The following MYO1H variants were observed in gnomAD, a reference collection of about 807,000 sequenced individuals.
MYO1H encodes myosin IH.
In MYO1H, 118 loss-of-function variants were observed where a neutral mutation model predicts 149.3. That is an observed-to-expected ratio of 0.79 (90% CI 0.68 to 0.92). The LOEUF (loss-of-function observed/expected upper bound fraction) is 0.92. Among genes scored for constraint, MYO1H ranks in the 40% least tolerant of loss-of-function variants. The probability of loss-of-function intolerance (pLI) is 0.00; values close to 1 mark genes in which losing one functional copy is unlikely to be tolerated. For synonymous variants in MYO1H, 447 were observed against 465.2 expected, an observed-to-expected ratio of 0.96 and a Z score of 0.50; for missense variants, 1,212 against 1,280.7, an observed-to-expected ratio of 0.95 and a Z score of 0.82.
At chr12:109,414,498 GA>G (rs1319169499) in intron 14 of MYO1H, among the ~76,000 whole-genome samples, 138 of 132,394 alleles carry the variant, frequency 1.0e-3, no homozygotes, top group African/African-American at 3.2e-3. Context: ...AAAAAAGAAA[GA>G]AAAAAAAAAT....
chr12:109,319,978 A>G, the MYO1H span, among the ~76,000 whole-genome samples: 1,596 of 152,264 alleles, frequency 0.01, 12 homozygotes, highest in Non-Finnish European at 0.017. Flanking sequence ...TTCATTGTCT[A>G]ATATGGTAGC....
intron 1 of MYO1H, 147 bp downstream of exon 1, chr12:109,348,119 A>T (rs1295087778): frequency 2.5e-6 from 1 of 397,624 alleles, no homozygotes; most frequent in African/African-American, 2.1e-5. Flanking sequence ...ATTTGATGAA[A>T]AATTCTATGT....
At chr12:109,358,459 A>G (rs1240655270) in intron 1 of MYO1H, among the ~76,000 whole-genome samples, 2 of 152,196 alleles carry the variant, frequency 1.3e-5, no homozygotes, top group African/African-American at 4.8e-5. Flanking sequence ...TTTTCCAGAT[A>G]AAACAGGGCT....
chr12:109,353,483 T>C (rs1188287009), intron 1 of MYO1H, among the ~76,000 whole-genome samples: 1 of 151,880 alleles, frequency 6.6e-6, no homozygotes, highest in African/African-American at 2.4e-5. Flanking sequence ...AAACTTGTAA[T>C]TCTAGATGTT....
intron 8 of MYO1H, among the ~76,000 whole-genome samples, chr12:109,406,447 C>T (rs1592798177): frequency 9.0e-6 from 1 of 110,652 alleles, no homozygotes; most frequent in Non-Finnish European, 1.7e-5. Context: ...GCCTGGGCAA[C>T]ATAGTGAGAC....
chr12:109,345,248 A>G (rs893697753), upstream of MYO1H, among the ~76,000 whole-genome samples: 1 of 152,208 alleles, frequency 6.6e-6, no homozygotes, highest in Non-Finnish European at 1.5e-5. Context: ...AGGAGCTTCT[A>G]CAACTCAACA....
At chr12:109,354,418 C>T (rs1868534913) in intron 1 of MYO1H, 1 of 150,152 alleles carries the variant, frequency 6.7e-6, no homozygotes, top group Admixed American at 6.7e-5. Flanking sequence ...CTGGCTAACA[C>T]AGTCGAATCT....
chr12:109,423,260 G>A (rs1252691271), intron 16 of MYO1H, among the ~76,000 whole-genome samples: 1 of 151,972 alleles, frequency 6.6e-6, no homozygotes, highest in African/African-American at 2.4e-5. Context: ...TGGGGTTCAA[G>A]CAATTCTCCT....
intron 19 of MYO1H, among the ~76,000 whole-genome samples, chr12:109,428,420 A>G (rs1238373646): frequency 6.6e-6 from 1 of 152,130 alleles, no homozygotes; most frequent in Admixed American, 6.6e-5. Context: ...CCTTATCTGT[A>G]GGATTAAATT....
chr12:109,421,440 A>G (rs566709422), intron 16 of MYO1H, among the ~76,000 whole-genome samples: 1 of 152,238 alleles, frequency 6.6e-6, no homozygotes, highest in Admixed American at 6.5e-5. Flanking sequence ...GTGATTAGAG[A>G]AAACACCCCT....
the MYO1H span, among the ~76,000 whole-genome samples, chr12:109,318,093 G>T: frequency 1.3e-5 from 2 of 152,164 alleles, no homozygotes; most frequent in Admixed American, 1.3e-4. Context: ...TTGGTACATA[G>T]CTTAAAAAAG....
chr12:109,392,480 T>C (rs551528790), intron 2 of MYO1H, among the ~76,000 whole-genome samples: 1 of 152,276 alleles, frequency 6.6e-6, no homozygotes, highest in Admixed American at 6.5e-5. Context: ...CCCAGCACTT[T>C]GGGAGGCCGA....
chr12:109,327,818 T>C, the MYO1H span, among the ~76,000 whole-genome samples: 8 of 151,384 alleles, frequency 5.3e-5, no homozygotes, highest in Non-Finnish European at 4.4e-5. Flanking sequence ...AGTGCTTTCT[T>C]CTAGAATTCA....
At position 109,446,919 on chromosome 12, in the gene MYO1H, G is replaced by C. The variant is rs111397560; in HGVS notation, c.3094-240G>C. On this transcript the variant is annotated intron_variant, in intron 31 of 31. Coordinates refer to ENST00000310903, the Ensembl canonical transcript of MYO1H. ...TTAAAAGTGACACCCCAGAGACTGT[G>C]TCTCTCTCCTCTGGAGTCACACGGA... 1,118 of 592,812 alleles carry C rather than the reference G, an allele frequency of 1.9e-3. 7 individuals carry two copies. Among genetic ancestry groups the C allele is most frequent in the African/African-American group, 0.011 (577 of 53,900 alleles). The allele number at this position is 592,812 out of a possible 1,614,324, so 36.7% of individuals were successfully genotyped here.
exon 10 of MYO1H, chr12:109,407,862 A>G (rs934204814): frequency 6.2e-7 from 1 of 1,613,998 alleles, no homozygotes; most frequent in Non-Finnish European, 8.5e-7. Context: ...CTGTTTATGG[A>G]CGAACGTTTA....
the MYO1H span, among the ~76,000 whole-genome samples, chr12:109,324,134 A>T: frequency 6.6e-6 from 1 of 152,098 alleles, no homozygotes; most frequent in Non-Finnish European, 1.5e-5. Context: ...CTCAAGTCAT[A>T]CTAAGACTCA....
Position 109,396,814 on chromosome 12 carries a change from G to GTTTTTTTTTTTTTTTTTTTTTTTTT in MYO1H, c.489+238_489+262dup, listed in dbSNP as rs60551691. ...GACATTTGGTTTTTGTTTTGGTTTC[G>GTTTTTTTTTTTTTTTTTTTTTTTTT]TTTTTTTTTTTTTTTTTTTTTTTTT... is the stretch of plus-strand genomic sequence containing the variant. On this transcript the variant is annotated intron_variant, in intron 4 of 31. Coordinates refer to ENST00000310903, the Ensembl canonical transcript of MYO1H. 1.4e-4 allele frequency among the ~76,000 whole-genome samples: 7 copies of GTTTTTTTTTTTTTTTTTTTTTTTTT among 51,070 alleles called. 1 individual carries two copies. Among genetic ancestry groups the GTTTTTTTTTTTTTTTTTTTTTTTTT allele is most frequent in the Non-Finnish European group, 1.6e-4 (4 of 25,114 alleles). 33.5% of individuals were successfully genotyped at this position (51,070 alleles called of 152,430 possible). A position where few individuals can be genotyped will look rare whatever the true frequency, so the allele number is the denominator to read the frequency against.
At chr12:109,398,158 A>C (rs561504591) in intron 5 of MYO1H, among the ~76,000 whole-genome samples, 1 of 152,356 alleles carries the variant, frequency 6.6e-6, no homozygotes, top group East Asian at 1.9e-4. Flanking sequence ...TAAGAAGCTG[A>C]AAAAACATAA....
chr12:109,372,435 C>T (rs1869002561), intron 1 of MYO1H, among the ~76,000 whole-genome samples: 1 of 151,994 alleles, frequency 6.6e-6, no homozygotes, highest in Admixed American at 6.6e-5. Context: ...TGACATTTCT[C>T]TGAGTTTTTA....
Sources: gnomAD v4.1 joint callset for allele counts (sites outside exome capture counted in the v4.1 genomes callset) on GRCh38, gnomAD v4.1.1 for gene constraint, MANE v1.5 for transcripts, NCBI Gene and HGNC (gene_info 2026-07-23, HGNC 2026-07-21) for gene names.